Variants in MPO observed in about 807,000 individuals in gnomAD.
MPO encodes the protein myeloperoxidase.
In MPO, 57 loss-of-function variants were observed where a neutral mutation model predicts 69.4. The observed-to-expected ratio is 0.82, with a 90% confidence interval of 0.66 to 1.02. The LOEUF (loss-of-function observed/expected upper bound fraction) is 1.02, where lower values mean the gene tolerates loss of function less well. MPO is among the 50% of genes least tolerant of loss of function. The pLI, the probability that MPO is intolerant of heterozygous loss-of-function variation, is 0.00. For synonymous variants in MPO, 426 were observed against 417.1 expected (o/e 1.02, Z -0.26); for missense variants, 971 against 1,014.1 (o/e 0.96, Z 0.58).
chr17:58,280,920 C>T lies in MPO; in HGVS notation c.-162G>A. The stretch of plus-strand genomic sequence containing the variant: ...GCTTCCAAGGACCCCACCTCCACAG[C>T]TCACCTGATATTGTCAGCTCCTCTT... On this transcript the variant is annotated 5_prime_UTR_variant, in exon 1 of 12. Transcript: ENST00000225275. 3 of 749,746 alleles carry T rather than the reference C, an allele frequency of 4.0e-6. No homozygotes were observed. Among genetic ancestry groups the T allele is most frequent in the Non-Finnish European group, 6.6e-6 (3 of 457,044 alleles). 46.4% of individuals were successfully genotyped at this position (749,746 alleles called of 1,614,324 possible).
At position 58,270,640 on chromosome 17, in the gene MPO, C is replaced by G; in HGVS notation, c.*16G>C. On this transcript the variant is annotated 3_prime_UTR_variant, in exon 12 of 12. Coordinates refer to ENST00000225275, the MANE Select transcript of MPO (RefSeq NM_000250.2). The surrounding 1 kb of genome is among the most constrained non-coding windows in gnomAD (Gnocchi z 4.1). ...CCCAGATATACCCCTCACTGCTGCA[C>G]CCCCTTACCTGGCCTCTAGGAGGCT... 1 of 1,594,648 alleles carries G rather than the reference C, an allele frequency of 6.3e-7. No homozygotes were observed. The highest frequency in any genetic ancestry group is 8.6e-7 in the Non-Finnish European group (1 of 1,169,224).
At chr17:58,272,677 G>A (rs1201302063) in intron 10 of MPO, 71 bp downstream of exon 10, 12 of 1,549,100 alleles carry the variant, frequency 7.7e-6, no homozygotes, top group Admixed American at 1.7e-5. Context: ...GAGTGGGAAG[G>A]GGGGTGATGG....
chr17:58,279,364 T>G lies in MPO; in HGVS notation c.611A>C (p.Glu204Ala). The change falls in exon 5 of 12, where the codon GAG (glutamate) becomes GCG (alanine). Residue 204 changes from glutamate (E) to alanine (A), a missense_variant. Transcript: ENST00000225275. ...GCCGTAGGGAAGAGAGAAGCCGTCC[T>G]CATACTCCGCCGGCAGCCAGCGCAC... ...AFVRWLPAEY[E>A]DGFSLPYGWT... 1 of 1,593,698 alleles carries G rather than the reference T, an allele frequency of 6.3e-7. No homozygotes were observed.
rs1407541800 is a variant in MPO at position 58,273,428 on chromosome 17, C to T, written c.1607G>A (p.Arg536Lys). Residue 536 changes from arginine to lysine, a missense_variant, in exon 9 of 12, where the codon AGG becomes AAG. Physicochemically the swap from Arg to Lys is conservative, Grantham distance 26. Transcript: ENST00000225275. ...PLSRVFFASW[R>K]VVLEGGIDPI... The stretch of plus-strand genomic sequence containing the variant: ...GTCCTGCTTACCTTCCAGCACGACC[C>T]TCCAGGAGGCAAAAAAGACCCTGCT... 6.2e-7 allele frequency: 1 copy of T among 1,614,190 alleles called. No individual in the cohort carries two copies.
chr17:58,278,674 C>G (rs1468767000), intron 6 of MPO, among the ~76,000 whole-genome samples: 1 of 152,172 alleles, frequency 6.6e-6, no homozygotes, highest in Non-Finnish European at 1.5e-5. Context: ...TTGGGGGGCA[C>G]TGAGAAGGTC....
chr17:58,274,347 A>AGTGTGTGTGTGTGTGTGT (rs55893734), intron 8 of MPO: 5 of 316,530 alleles, frequency 1.6e-5, no homozygotes, highest in African/African-American at 9.1e-5. Context: ...AGAATCTAGG[A>AGTGTGTGTGTGTGTGTGT]GTGTGTGTGT....
In MPO at chr17:58,271,692, T is replaced by C; in HGVS notation, c.1993A>G (p.Ile665Val). 1 of 1,613,896 alleles carries C rather than the reference T, an allele frequency of 6.2e-7. No individual in the cohort carries two copies. Among genetic ancestry groups the C allele is most frequent in the Non-Finnish European group, 8.5e-7 (1 of 1,180,036 alleles). Reference protein sequence around the residue: ...GRVGPLLACIIGTQFRKLRDG... With the variant: ...GRVGPLLACIVGTQFRKLRDG... The stretch of plus-strand genomic sequence containing the variant: ...CGGAGCTTCCTGAACTGGGTACCGA[T>C]GATGCAGGCGAGGAGTGGGCCCACG... Residue 665 changes from isoleucine to valine, a missense_variant, in exon 11 of 12, where the codon ATC (isoleucine) becomes GTC (valine). Physicochemically the swap from Ile to Val is conservative, Grantham distance 29. Coordinates refer to ENST00000225275, the MANE Select transcript of MPO (RefSeq NM_000250.2).
chr17:58,271,188 G>A (rs1278801000), intron 11 of MPO, among the ~76,000 whole-genome samples: 1 of 152,190 alleles, frequency 6.6e-6, no homozygotes, highest in Non-Finnish European at 1.5e-5. Flanking sequence ...CACAGGAGTG[G>A]AAGAGAATCT....
Position 58,270,942 on chromosome 17 carries a change from C to T in MPO, c.2031-79G>A. 6.6e-7 allele frequency: 1 copy of T among 1,515,576 alleles called. No individual in the cohort carries two copies. The highest frequency in any genetic ancestry group is 9.1e-7 in the Non-Finnish European group (1 of 1,096,578). The allele number at this position is 1,515,576 out of a possible 1,614,324, so 93.9% of individuals were successfully genotyped here. ...GGCATCGATGGGCTTGTGCTGCTCC[C>T]AGGATATAACAAAGCCACAACAAAT... On this transcript the variant is annotated intron_variant, in intron 11 of 11. Transcript: ENST00000225275. This position sits in a 1 kb window ranked among gnomAD's most constrained non-coding sequence, Gnocchi z 4.1.
At chr17:58,278,706 A>G (rs1187259742) in intron 6 of MPO, 6 of 519,538 alleles carry the variant, frequency 1.2e-5, no homozygotes, top group South Asian at 4.1e-5. Context: ...CCCTCTCCCA[A>G]CCTAACAAAG....
At chr17:58,279,455 G>T (rs910279521) in intron 4 of MPO, 29 bp from the exon 5 acceptor site, 1 of 1,611,856 alleles carries the variant, frequency 6.2e-7, no homozygotes. Flanking sequence ...CGCTGACACC[G>T]GGAGGCTTGT....
Position 58,272,920 on chromosome 17 carries a change from T to G in MPO, c.1622-2A>C. The stretch of plus-strand genomic sequence containing the variant: ...CCCGGAGGATGGGGTCAATGCCACC[T>G]GGGGACCAGAGGAGCCAGGTCAGGG... On this transcript the variant is annotated splice_acceptor_variant, in intron 9 of 11. Coordinates refer to ENST00000225275, the MANE Select transcript of MPO (RefSeq NM_000250.2). LOFTEE classifies it high-confidence loss of function. The G allele has an allele frequency of 6.2e-7, 1 of 1,614,010 alleles. No homozygotes were observed. Among genetic ancestry groups the G allele is most frequent in the Non-Finnish European group, 8.5e-7 (1 of 1,180,018 alleles).
intron 4 of MPO, 48 bp from the exon 5 acceptor site, chr17:58,279,474 G>A (rs1567829700): frequency 6.2e-7 from 1 of 1,612,368 alleles, no homozygotes; most frequent in Non-Finnish European, 8.5e-7. Flanking sequence ...GTGGCGTCCG[G>A]GACGCCTCTC....
At chr17:58,273,716 G>A (rs764213046) in intron 8 of MPO, 47 bp from the exon 9 acceptor site, 4 of 1,613,778 alleles carry the variant, frequency 2.5e-6, no homozygotes, top group South Asian at 1.1e-5. Flanking sequence ...CTCCTCCACA[G>A]CAAATGCCGC....
At chr17:58,274,655 AC>A (rs1262131204) in intron 8 of MPO, among the ~76,000 whole-genome samples, 2 of 151,652 alleles carry the variant, frequency 1.3e-5, no homozygotes, top group Non-Finnish European at 2.9e-5. Flanking sequence ...CCCCGTCTCT[AC>A]AAAAAATACA....
chr17:58,277,786 A>T, intron 7 of MPO, 41 bp downstream of exon 7: 1 of 1,598,160 alleles, frequency 6.3e-7, no homozygotes, highest in African/African-American at 1.3e-5. Context: ...CCAACAGGGA[A>T]CATCTCCTAT....
chr17:58,274,759 G>A (rs1970414609), intron 8 of MPO, among the ~76,000 whole-genome samples: 1 of 152,058 alleles, frequency 6.6e-6, no homozygotes, highest in Non-Finnish European at 1.5e-5. Flanking sequence ...GGTGGAGGTT[G>A]CAGTGAGCCA....
chr17:58,270,633 T>C lies in MPO; in HGVS notation c.*23A>G. ...TGGCCAGCCCAGATATACCCCTCAC[T>C]GCTGCACCCCCTTACCTGGCCTCTA... On this transcript the variant is annotated 3_prime_UTR_variant, in exon 12 of 12. Transcript: ENST00000225275. The surrounding 1 kb of genome is among the most constrained non-coding windows in gnomAD (Gnocchi z 4.1). The C allele has an allele frequency of 6.3e-7, 1 of 1,584,806 alleles. No homozygotes were observed. The highest frequency in any genetic ancestry group is 8.6e-7 in the Non-Finnish European group (1 of 1,163,296).
At position 58,277,847 on chromosome 17, in the gene MPO, C is replaced by T. The variant is rs751085946; in HGVS notation, c.1184G>A (p.Arg395His). 4 of 1,604,880 alleles carry T rather than the reference C, an allele frequency of 2.5e-6. No individual in the cohort carries two copies. Among genetic ancestry groups the T allele is most frequent in the African/African-American group, 1.3e-5 (1 of 75,044 alleles). ...DPCLLTNRSA[R>H]IPCFLAGDTR... Reference sequence around the variant, plus strand: ...CTGACCTGCCAGGAAGCAGGGGATGCGCGCTGAGCGGTTGGTGAGGAGACA... The same window carrying T: ...CTGACCTGCCAGGAAGCAGGGGATGTGCGCTGAGCGGTTGGTGAGGAGACA... The change falls in exon 7 of 12, where the codon CGC becomes CAC. Residue 395 changes from arginine (R) to histidine (H), a missense_variant. Coordinates refer to ENST00000225275, the MANE Select transcript of MPO (RefSeq NM_000250.2).
Sources: allele counts gnomAD v4.1 joint callset (sites outside exome capture counted in the v4.1 genomes callset), GRCh38; gene constraint gnomAD v4.1.1; non-coding constraint Gnocchi (gnomAD v3.1); transcripts MANE v1.5; gene names NCBI Gene and HGNC (gene_info 2026-07-23, HGNC 2026-07-21).